Variants in TRAPPC9 observed in about 807,000 individuals in gnomAD.
TRAPPC9 encodes the protein trafficking protein particle complex subunit 9.
Under a neutral mutation model 124.0 loss-of-function variants are expected in TRAPPC9, and 83 were observed. The ratio of observed to expected loss-of-function variants is 0.67; its 90% confidence interval spans 0.56 to 0.80. The LOEUF (loss-of-function observed/expected upper bound fraction) is 0.80, where lower values mean the gene tolerates loss of function less well. Among genes scored for constraint, TRAPPC9 ranks in the 30% least tolerant of loss-of-function variants. The pLI is 0.00. For missense variants in TRAPPC9, 1,302 were observed against 1,508.3 expected (o/e 0.86, Z 2.27); for synonymous variants, 638 against 617.5 (o/e 1.03, Z -0.49).
chr8:140,370,030 C>T (rs1267045313), intron 8 of TRAPPC9, among the ~76,000 whole-genome samples: 1 of 152,142 alleles, frequency 6.6e-6, no homozygotes, highest in African/African-American at 2.4e-5. Context: ...GATGACATCA[C>T]AGTTCTTTCC....
At chr8:140,179,356 C>T (rs2062148600) in intron 17 of TRAPPC9, among the ~76,000 whole-genome samples, 1 of 152,058 alleles carries the variant, frequency 6.6e-6, no homozygotes, top group Non-Finnish European at 1.5e-5. Flanking sequence ...AAATGTGTTG[C>T]TTAATTTTCA....
At position 139,846,291 on chromosome 8, in the gene TRAPPC9, G is replaced by A. The variant is rs183655682; in HGVS notation, c.3055+39588C>T. Among the ~76,000 whole-genome samples the A allele has an allele frequency of 2.6e-5, 4 of 152,284 alleles. No individual in the cohort carries two copies. In the East Asian group the frequency reaches 7.8e-4, roughly 30 times the overall value. On this transcript the variant is annotated intron_variant, in intron 21 of 22. Coordinates refer to ENST00000438773, the MANE Select transcript of TRAPPC9 (RefSeq NM_001160372.4). ...AATCCCAGATTGAACTGAGCTCTTA[G>A]TTCCACCCCCCACCCCCCGCAGCAG... is the stretch of plus-strand genomic sequence containing the variant.
chr8:140,225,102 T>G (rs747106159), intron 16 of TRAPPC9, among the ~76,000 whole-genome samples: 13 of 152,368 alleles, frequency 8.5e-5, no homozygotes, highest in Non-Finnish European at 1.3e-4. Context: ...CAACGCCTGG[T>G]ACGGGGCAAG....
intron 12 of TRAPPC9, among the ~76,000 whole-genome samples, chr8:140,290,217 A>G (rs1374872008): frequency 6.6e-6 from 1 of 152,178 alleles, no homozygotes; most frequent in Non-Finnish European, 1.5e-5. Flanking sequence ...AGCGAGATAC[A>G]TGCATGAAAG....
chr8:140,003,618 A>G (rs1440641398), intron 18 of TRAPPC9, among the ~76,000 whole-genome samples: 1 of 140,414 alleles, frequency 7.1e-6, no homozygotes, highest in Non-Finnish European at 1.5e-5. Context: ...AAAAAAAAAA[A>G]AAAAGTGCAA....
chr8:139,989,895 G>A (rs1367079747), intron 18 of TRAPPC9, among the ~76,000 whole-genome samples: 4 of 152,178 alleles, frequency 2.6e-5, no homozygotes, highest in Non-Finnish European at 4.4e-5. Context: ...ATCACAGTCA[G>A]CACGTAACAG....
intron 16 of TRAPPC9, among the ~76,000 whole-genome samples, chr8:140,225,345 C>T (rs927364958): frequency 2.0e-5 from 3 of 152,154 alleles, no homozygotes; most frequent in African/African-American, 4.8e-5. Flanking sequence ...ACACAGTTTA[C>T]ACACACACGC....
intron 17 of TRAPPC9, among the ~76,000 whole-genome samples, chr8:140,147,721 C>T (rs1006841728): frequency 1.3e-5 from 2 of 152,186 alleles, no homozygotes; most frequent in South Asian, 2.1e-4. Flanking sequence ...TAACACTTCA[C>T]GGTTTTAAAA....
chr8:140,319,712 C>A (rs959079632), intron 9 of TRAPPC9, among the ~76,000 whole-genome samples: 2 of 152,134 alleles, frequency 1.3e-5, no homozygotes, highest in East Asian at 1.9e-4. Flanking sequence ...AAGTGATCCA[C>A]CCACCTCGGC....
intron 14 of TRAPPC9, among the ~76,000 whole-genome samples, chr8:140,278,124 G>C (rs1473196043): frequency 7.9e-6 from 1 of 126,842 alleles, no homozygotes; most frequent in Non-Finnish European, 1.7e-5. Context: ...TTTTTTTTTT[G>C]AGATAGTCTC....
Position 140,057,353 on chromosome 8 carries a change from T to C in TRAPPC9, c.2557-33274A>G, listed in dbSNP as rs539795267. On this transcript the variant is annotated intron_variant, in intron 17 of 22. Coordinates refer to ENST00000438773, the MANE Select transcript of TRAPPC9 (RefSeq NM_001160372.4). Reference sequence around the variant, plus strand: ...GTTTATGGGTATTTATCCAAAAGAATTGAAATCAGGATCTCAGAGAGATAT... The same window carrying C: ...GTTTATGGGTATTTATCCAAAAGAACTGAAATCAGGATCTCAGAGAGATAT... Among the ~76,000 whole-genome samples the C allele has an allele frequency of 7.9e-5, 12 of 152,324 alleles. No homozygotes were observed. In the South Asian group the frequency reaches 1.9e-3, roughly 24 times the overall value.
chr8:140,263,593 C>G (rs1193757831), intron 15 of TRAPPC9, among the ~76,000 whole-genome samples: 1 of 152,174 alleles, frequency 6.6e-6, no homozygotes, highest in Admixed American at 6.5e-5. Context: ...ATTTACCAAG[C>G]TCTAACTAAT....
At chr8:140,223,906 C>T (rs540533053) in intron 16 of TRAPPC9, among the ~76,000 whole-genome samples, 9 of 152,234 alleles carry the variant, frequency 5.9e-5, no homozygotes, top group South Asian at 4.2e-4. Context: ...AATTATCTTA[C>T]GTTAAAAAAT....
rs192278301 is a variant in TRAPPC9, at chr8:139,890,914, A to C, written c.2965-4945T>G. Among the ~76,000 whole-genome samples, 34 of 149,696 alleles carry C rather than the reference A, an allele frequency of 2.3e-4. 1 individual carries two copies. Among genetic ancestry groups the C allele is most frequent in the African/African-American group, 7.8e-4 (32 of 40,870 alleles). ...TATCTGTGGCTGTCTGTGCCTGGGG[A>C]CTGGCTCTCAAGAAGGGACCGCTGT... On this transcript the variant is annotated intron_variant, in intron 20 of 22. Transcript: ENST00000438773.
rs1175749879 is a variant in TRAPPC9, at chr8:139,728,745, T to C, written c.*2316A>G. 6.6e-6 allele frequency among the ~76,000 whole-genome samples: 1 copy of C among 152,274 alleles called. No individual in the cohort carries two copies. Among genetic ancestry groups the C allele is most frequent in the African/African-American group, 2.4e-5 (1 of 41,554 alleles). ...GAGCCAGGCTGTATTTGGGTCATTT[T>C]CCAGGAGGCCTGGGTTATTTCTAAC... is the stretch of plus-strand genomic sequence containing the variant. On this transcript the variant is annotated 3_prime_UTR_variant, in exon 23 of 23. Transcript: ENST00000438773.
chr8:139,970,352 G>C (rs1467591477), intron 19 of TRAPPC9, among the ~76,000 whole-genome samples: 1 of 152,234 alleles, frequency 6.6e-6, no homozygotes, highest in African/African-American at 2.4e-5. Context: ...GAGAGAAGAT[G>C]TGAAAGTCTT....
chr8:140,329,970 T>A (rs574368086), intron 9 of TRAPPC9, among the ~76,000 whole-genome samples: 34 of 151,678 alleles, frequency 2.2e-4, no homozygotes, highest in African/African-American at 8.0e-4. Flanking sequence ...TCCAGCTAAC[T>A]CAGGAGGCTG....
intron 7 of TRAPPC9, among the ~76,000 whole-genome samples, chr8:140,395,852 C>T (rs1196076842): frequency 6.6e-6 from 1 of 152,174 alleles, no homozygotes; most frequent in Admixed American, 6.5e-5. Flanking sequence ...CCCTCCACCA[C>T]TGCCTTGCAG....
At chr8:139,795,600 G>C (rs980075492) in intron 21 of TRAPPC9, among the ~76,000 whole-genome samples, 1 of 152,074 alleles carries the variant, frequency 6.6e-6, no homozygotes, top group Admixed American at 6.5e-5. Context: ...ATCAGTAAGC[G>C]GACACTTTGA....
Sources: gnomAD v4.1 joint callset for allele counts (sites outside exome capture counted in the v4.1 genomes callset) on GRCh38, gnomAD v4.1.1 for gene constraint, MANE v1.5 for transcripts, NCBI Gene and HGNC (gene_info 2026-07-23, HGNC 2026-07-21) for gene names.